ANGPT4: variants seen among roughly 807,000 people sequenced by gnomAD.
ANGPT4 encodes the protein angiopoietin 4, also known as angiopoietin-4.
A neutral mutation model predicts 53.0 loss-of-function variants in ANGPT4; 50 were observed. The observed-to-expected ratio is 0.94, with a 90% CI of 0.75 to 1.20. The LOEUF is 1.20. Ranked by LOEUF, ANGPT4 falls within the 50% of genes most tolerant of loss-of-function variation. ANGPT4 has a pLI of 0.00. For missense variants in ANGPT4, 648 were observed against 637.1 expected, an observed-to-expected ratio of 1.02 and a Z score of -0.18; for synonymous variants, 251 against 259.7, an observed-to-expected ratio of 0.97 and a Z score of 0.32.
chr20:912,950 C>A (rs1416093240), intron 1 of ANGPT4, among the ~76,000 whole-genome samples: 1 of 152,138 alleles, frequency 6.6e-6, no homozygotes, highest in South Asian at 2.1e-4. Flanking sequence ...ATGGCTCTGG[C>A]AAGTCACTTT....
rs376690664 is a variant in ANGPT4 at position 916,260 on chromosome 20, G to A, written c.-46C>T. On this transcript the variant is annotated 5_prime_UTR_variant, in exon 1 of 9. Coordinates refer to ENST00000381922, the MANE Select transcript of ANGPT4 (RefSeq NM_015985.4). Reference sequence around the variant, plus strand: ...AGGGATGTCTGCTCAGAGCCCTAGGGGCTGTGCCTGGGATGTCCTGCTGCA... The same window carrying A: ...AGGGATGTCTGCTCAGAGCCCTAGGAGCTGTGCCTGGGATGTCCTGCTGCA... 2.8e-5 allele frequency: 44 copies of A among 1,568,708 alleles called. No individual in the cohort carries two copies. Among genetic ancestry groups the A allele is most frequent in the African/African-American group, 5.4e-5 (4 of 74,334 alleles).
At chr20:900,739 C>G (rs1048768178) in intron 1 of ANGPT4, among the ~76,000 whole-genome samples, 4 of 152,082 alleles carry the variant, frequency 2.6e-5, no homozygotes, top group Admixed American at 1.3e-4. Flanking sequence ...TCAATCTGGC[C>G]TGGTATATGA....
At chr20:906,760 G>T (rs1252644771) in intron 1 of ANGPT4, among the ~76,000 whole-genome samples, 2 of 152,200 alleles carry the variant, frequency 1.3e-5, no homozygotes, top group Non-Finnish European at 2.9e-5. Flanking sequence ...TCCTGTCTGA[G>T]CAGCTGGGCC....
chr20:901,872 A>C (rs77829900), intron 1 of ANGPT4, among the ~76,000 whole-genome samples: 1 of 152,204 alleles, frequency 6.6e-6, no homozygotes, highest in Admixed American at 6.5e-5. Flanking sequence ...TGATCATGCC[A>C]CTGCTCTCCA....
intron 1 of ANGPT4, among the ~76,000 whole-genome samples, chr20:895,170 C>T (rs747807050): frequency 1.3e-5 from 2 of 152,154 alleles, no homozygotes; most frequent in African/African-American, 4.8e-5. Flanking sequence ...ACTCACCCAG[C>T]GTGGGATCTA....
At chr20:888,612 C>T (rs371287359) in intron 2 of ANGPT4, among the ~76,000 whole-genome samples, 173 bp from the exon 3 acceptor site, 69 of 152,292 alleles carry the variant, frequency 4.5e-4, no homozygotes, top group Admixed American at 8.5e-4. Flanking sequence ...TTATTACCTG[C>T]TTCCTAAATT....
At chr20:887,943 C>T (rs1356177659) in intron 3 of ANGPT4, among the ~76,000 whole-genome samples, 2 of 151,684 alleles carry the variant, frequency 1.3e-5, no homozygotes, top group African/African-American at 4.9e-5. Flanking sequence ...TGTCCTGGGC[C>T]CCAGGAAGAT....
At chr20:878,401 G>A in intron 6 of ANGPT4, 74 bp from the exon 7 acceptor site, 2 of 1,460,308 alleles carry the variant, frequency 1.4e-6, no homozygotes, top group South Asian at 2.6e-5. Flanking sequence ...AGCTGGGCTG[G>A]GCCAGGCTCC....
rs770463987 is a variant in ANGPT4, at chr20:879,852, G to A, written c.952-4C>T. ...TGCTCTGCAGGTCACAGAACACCTGGAGGGGGTGGGCAAGGCACAGCTGGG... is the reference window on the plus strand; with the variant it reads ...TGCTCTGCAGGTCACAGAACACCTGAAGGGGGTGGGCAAGGCACAGCTGGG... On this transcript the variant is annotated splice_region_variant and splice_polypyrimidine_tract_variant and intron_variant, in intron 5 of 8. Coordinates refer to ENST00000381922, the MANE Select transcript of ANGPT4 (RefSeq NM_015985.4). 1 of 1,609,982 alleles carries A rather than the reference G, an allele frequency of 6.2e-7. No homozygotes were observed. Among genetic ancestry groups the A allele is most frequent in the Admixed American group, 1.7e-5 (1 of 59,792 alleles).
intron 1 of ANGPT4, among the ~76,000 whole-genome samples, chr20:907,069 C>G (rs1982501465): frequency 6.6e-6 from 1 of 152,204 alleles, no homozygotes; most frequent in African/African-American, 2.4e-5. Context: ...TTCTCTGAAC[C>G]TCAGTGGCCT....
chr20:898,761 C>T (rs1000512088), intron 1 of ANGPT4, among the ~76,000 whole-genome samples: 7 of 152,212 alleles, frequency 4.6e-5, no homozygotes, highest in Non-Finnish European at 2.9e-5. Flanking sequence ...AACTTCAAAA[C>T]GCCTAAGCCG....
intron 7 of ANGPT4, among the ~76,000 whole-genome samples, chr20:876,482 G>A (rs1981175427): frequency 6.6e-6 from 1 of 152,194 alleles, no homozygotes; most frequent in African/African-American, 2.4e-5. Flanking sequence ...GGTGTGAAAG[G>A]CTGCCACGAG....
chr20:901,176 C>G lies in ANGPT4; in HGVS notation c.310-10808G>C, dbSNP rs537800901. Among the ~76,000 whole-genome samples the G allele has an allele frequency of 2.6e-5, 4 of 152,326 alleles. No individual in the cohort carries two copies. The South Asian group carries it at 8.3e-4, about 32-fold the overall frequency. On this transcript the variant is annotated intron_variant, in intron 1 of 8. Coordinates refer to ENST00000381922, the MANE Select transcript of ANGPT4 (RefSeq NM_015985.4). ...ACCTCTATTTTGTTTTGTCCCAACA[C>G]TTCACCACTATTTTGTTTTGTTTTT...
intron 7 of ANGPT4, among the ~76,000 whole-genome samples, chr20:875,046 T>G (rs144616016): frequency 6.6e-6 from 1 of 151,998 alleles, no homozygotes; most frequent in African/African-American, 2.4e-5. Context: ...CTTTTTTTTC[T>G]ATTCTTTGCA....
intron 4 of ANGPT4, 82 bp from the exon 5 acceptor site, chr20:881,368 G>A: frequency 7.7e-7 from 1 of 1,296,794 alleles, no homozygotes; most frequent in South Asian, 1.2e-5. Flanking sequence ...TGCCTGCTTT[G>A]TGCCAGGTTC....
intron 3 of ANGPT4, among the ~76,000 whole-genome samples, chr20:885,996 C>T (rs1365608869): frequency 6.6e-6 from 1 of 152,206 alleles, no homozygotes; most frequent in African/African-American, 2.4e-5. Context: ...GTGACTTCTG[C>T]AGAGCAGGTT....
rs1229747060 is a variant in ANGPT4 at position 899,671 on chromosome 20, A to G, written c.310-9303T>C. ...CAGGCTGGTCCAAGATCTTCGCCTT[A>G]TCAACCAAATTGTCTTGCCTATCCA... On this transcript the variant is annotated intron_variant, in intron 1 of 8. Transcript: ENST00000381922. 2.0e-5 allele frequency among the ~76,000 whole-genome samples: 3 copies of G among 152,260 alleles called. No homozygotes were observed. In the East Asian group the frequency reaches 5.8e-4, roughly 29 times the overall value.
At chr20:912,797 T>C (rs1450005771) in intron 1 of ANGPT4, among the ~76,000 whole-genome samples, 2 of 151,568 alleles carry the variant, frequency 1.3e-5, no homozygotes, top group Non-Finnish European at 2.9e-5. Flanking sequence ...ATCTGGGGAC[T>C]TGGAAACTCT....
At chr20:906,304 C>G (rs1159736578) in intron 1 of ANGPT4, among the ~76,000 whole-genome samples, 1 of 152,134 alleles carries the variant, frequency 6.6e-6, no homozygotes, top group Non-Finnish European at 1.5e-5. Flanking sequence ...CTACTCACAG[C>G]CAGCGCCAGC....
Sources: gnomAD v4.1 joint callset for allele counts (sites outside exome capture counted in the v4.1 genomes callset) on GRCh38, gnomAD v4.1.1 for gene constraint, MANE v1.5 for transcripts, NCBI Gene and HGNC (gene_info 2026-07-23, HGNC 2026-07-21) for gene names.